The following NKD1 variants were observed in gnomAD, a reference collection of about 807,000 sequenced individuals.
NKD1 encodes protein naked cuticle homolog 1.
In NKD1, 21 loss-of-function variants were observed where a neutral mutation model predicts 56.0. The ratio of observed to expected loss-of-function variants is 0.38; its 90% CI spans 0.27 to 0.54. The LOEUF is 0.54. Ranked by LOEUF, NKD1 falls within the 20% of genes least tolerant of loss-of-function variation. The pLI is 0.82. For missense variants in NKD1, 578 were observed against 642.7 expected, an observed-to-expected ratio of 0.90 and a Z score of 1.09; for synonymous variants, 263 against 265.7, an observed-to-expected ratio of 0.99 and a Z score of 0.10.
At chr16:50,578,799 G>T (rs879873659) in intron 3 of NKD1, among the ~76,000 whole-genome samples, 3 of 152,092 alleles carry the variant, frequency 2.0e-5, no homozygotes, top group African/African-American at 7.2e-5. Flanking sequence ...GCTATGTCTC[G>T]GTCACTGCCT....
intron 3 of NKD1, among the ~76,000 whole-genome samples, chr16:50,560,835 T>TATCTATCTATCTATC (rs1960613122): frequency 2.0e-5 from 3 of 151,828 alleles, no homozygotes; most frequent in Admixed American, 2.0e-4. Context: ...TCTATCTATC[T>TATCTATCTATCTATC]ATCTATCTAT....
rs1962547664 is a variant in NKD1 at position 50,639,926 on chromosome 16, T to C, written c.*6145T>C. The C allele has an allele frequency of 6.6e-6, 1 of 152,248 alleles. No individual in the cohort carries two copies. The highest frequency in any genetic ancestry group is 2.4e-5 in the African/African-American group (1 of 41,446). 9.4% of individuals were successfully genotyped at this position (152,248 alleles called of 1,614,324 possible). A position where few individuals can be genotyped will look rare whatever the true frequency, so the allele number is the denominator to read the frequency against. Reference sequence around the variant, plus strand: ...TCCCACTTTGCTTGGGGGTCCTTGGTCAAGGCCAGCTTTGGGGACTAGGGC... The same window carrying C: ...TCCCACTTTGCTTGGGGGTCCTTGGCCAAGGCCAGCTTTGGGGACTAGGGC... On this transcript the variant is annotated 3_prime_UTR_variant, in exon 10 of 10. Coordinates refer to ENST00000268459, the MANE Select transcript of NKD1 (RefSeq NM_033119.5).
At chr16:50,618,870 G>A (rs1415689301) in intron 4 of NKD1, among the ~76,000 whole-genome samples, 1 of 152,188 alleles carries the variant, frequency 6.6e-6, no homozygotes, top group African/African-American at 2.4e-5. Context: ...ATGAGGGGTC[G>A]AGGGGGATGT....
chr16:50,565,764 G>A (rs1488552170), intron 3 of NKD1, among the ~76,000 whole-genome samples: 3 of 152,224 alleles, frequency 2.0e-5, no homozygotes, highest in East Asian at 3.8e-4. Context: ...GTATACATCT[G>A]TCTCCGCACC....
chr16:50,633,704 G>T lies in NKD1; in HGVS notation c.1336G>T (p.Gly446Trp). Residue 446 changes from glycine to tryptophan, a missense_variant, in exon 10 of 10, where the codon GGG becomes TGG. Coordinates refer to ENST00000268459, the MANE Select transcript of NKD1 (RefSeq NM_033119.5). This position sits in a 1 kb window ranked among gnomAD's most constrained non-coding sequence, Gnocchi z 4.9. ...CTTGGTGGTGTATGAGAGCCAGGCC[G>T]GGCAGCCGGTCCAGAGACATGAGCA... ...PALVVYESQA[G>W]QPVQRHEHHH... The T allele has an allele frequency of 1.3e-6, 2 of 1,589,138 alleles. No homozygotes were observed. Among genetic ancestry groups the T allele is most frequent in the East Asian group, 2.3e-5 (1 of 43,558 alleles).
chr16:50,565,067 T>TGG (rs1267196273), intron 3 of NKD1, among the ~76,000 whole-genome samples: 1 of 152,160 alleles, frequency 6.6e-6, no homozygotes, highest in African/African-American at 2.4e-5. Context: ...TCATTTAAGG[T>TGG]GGAGAACCAT....
At chr16:50,630,153 C>T (rs774875064) in intron 6 of NKD1, 33 bp from the exon 7 acceptor site, 44 of 1,607,100 alleles carry the variant, frequency 2.7e-5, no homozygotes, top group Non-Finnish European at 3.3e-5. Context: ...GTGACTGAAA[C>T]CCTGCATGGG....
At chr16:50,618,710 C>T (rs986961164) in intron 4 of NKD1, among the ~76,000 whole-genome samples, 1 of 152,210 alleles carries the variant, frequency 6.6e-6, no homozygotes, top group African/African-American at 2.4e-5. Flanking sequence ...GGATGGATCA[C>T]AGGCCCCATG....
intron 3 of NKD1, among the ~76,000 whole-genome samples, chr16:50,567,717 C>T (rs1260264597): frequency 1.3e-5 from 2 of 152,232 alleles, no homozygotes; most frequent in Non-Finnish European, 2.9e-5. Context: ...GGCTCCGCTA[C>T]CTGCCTGGCT....
At chr16:50,616,976 G>A (rs1192648525) in intron 4 of NKD1, among the ~76,000 whole-genome samples, 1 of 152,198 alleles carries the variant, frequency 6.6e-6, no homozygotes, top group East Asian at 1.9e-4. Flanking sequence ...GAAGAGCCCC[G>A]AGGAGCTCAC....
intron 3 of NKD1, among the ~76,000 whole-genome samples, chr16:50,567,376 G>A (rs980896428): frequency 6.6e-6 from 1 of 152,182 alleles, no homozygotes; most frequent in Non-Finnish European, 1.5e-5. Flanking sequence ...TGGAAGGGGC[G>A]TGATTGCCGT....
At chr16:50,622,682 C>T (rs1962118994) in intron 5 of NKD1, among the ~76,000 whole-genome samples, 1 of 152,206 alleles carries the variant, frequency 6.6e-6, no homozygotes, top group African/African-American at 2.4e-5. Context: ...GGGCTGTTGT[C>T]AGCAGCATGA....
intron 3 of NKD1, among the ~76,000 whole-genome samples, chr16:50,570,345 A>C (rs578091137): frequency 6.6e-6 from 1 of 152,324 alleles, no homozygotes; most frequent in South Asian, 2.1e-4. Context: ...AGTCTTTTTA[A>C]GTATAAAACA....
chr16:50,633,703 C>T lies in NKD1; in HGVS notation c.1335C>T (p.Ala445=), dbSNP rs758895622. Residue 445 remains alanine, a synonymous_variant, in exon 10 of 10, where the codon GCC becomes GCT. Transcript: ENST00000268459. This position sits in a 1 kb window ranked among gnomAD's most constrained non-coding sequence, Gnocchi z 4.9. ...CCTTGGTGGTGTATGAGAGCCAGGC[C>T]GGGCAGCCGGTCCAGAGACATGAGC... ...LPALVVYESQ[A]GQPVQRHEHH... is the part of the protein sequence containing the mutation. 2.9e-5 allele frequency: 46 copies of T among 1,588,908 alleles called. No homozygotes were observed. The highest frequency in any genetic ancestry group is 2.5e-4 in the Admixed American group (14 of 56,758).
intron 3 of NKD1, among the ~76,000 whole-genome samples, chr16:50,584,403 G>A (rs1567340969): frequency 1.3e-5 from 2 of 152,228 alleles, no homozygotes; most frequent in Non-Finnish European, 2.9e-5. Context: ...AGTTAGGCAT[G>A]AACAAATTAG....
At chr16:50,614,685 A>G (rs1176535240) in intron 4 of NKD1, among the ~76,000 whole-genome samples, 2 of 152,100 alleles carry the variant, frequency 1.3e-5, no homozygotes, top group Non-Finnish European at 2.9e-5. Context: ...CAAAATAAAT[A>G]TCTCACCAAC....
rs1960873493 is a variant in NKD1 at position 50,571,091 on chromosome 16, A to AAG, written c.192+21537_192+21538dup. 4.0e-6 allele frequency: 3 copies of AAG among 752,424 alleles called. No homozygotes were observed. The South Asian group carries it at 1.8e-4, about 45-fold the overall frequency. 46.6% of individuals were successfully genotyped at this position (752,424 alleles called of 1,614,324 possible). On this transcript the variant is annotated intron_variant, in intron 3 of 9. Coordinates refer to ENST00000268459, the MANE Select transcript of NKD1 (RefSeq NM_033119.5). The stretch of plus-strand genomic sequence containing the variant: ...GCCTTTGAAGGGAGAGCTGAGAGGA[A>AAG]AGTGGAGGGGAAGGAGGGGCTGCCC...
rs985924330 is a variant in NKD1 at position 50,598,832 on chromosome 16, TAG to T, written c.193-9459_193-9458del. Among the ~76,000 whole-genome samples the T allele has an allele frequency of 2.1e-5, 3 of 141,136 alleles. No individual in the cohort carries two copies. The highest frequency in any genetic ancestry group is 4.6e-5 in the Non-Finnish European group (3 of 65,026). The allele number at this position is 141,136 out of a possible 152,430, so 92.6% of individuals were successfully genotyped here. On this transcript the variant is annotated intron_variant, in intron 3 of 9. Coordinates refer to ENST00000268459, the MANE Select transcript of NKD1 (RefSeq NM_033119.5). The surrounding 1 kb of genome is among the most constrained non-coding windows in gnomAD (Gnocchi z 4.2). ...AGTGGTGCGATGTGCAGTGGCATGG[TAG>T]AGTCAGTGGTGCAATGTTCAGTGGT...
At position 50,574,262 on chromosome 16, in the gene NKD1, A is replaced by G. The variant is rs1268720830; in HGVS notation, c.192+24707A>G. 3.0e-6 allele frequency: 3 copies of G among 985,212 alleles called. No individual in the cohort carries two copies. In the South Asian group the frequency reaches 1.4e-4, roughly 46 times the overall value. The allele number at this position is 985,212 out of a possible 1,614,324, so 61.0% of individuals were successfully genotyped here. ...CCTCCCTTGTCTTGCCCAACCTCCT[A>G]GGTACACAGGCCTTGGACAGTGGGG... On this transcript the variant is annotated intron_variant, in intron 3 of 9. Coordinates refer to ENST00000268459, the MANE Select transcript of NKD1 (RefSeq NM_033119.5).
Sources: gnomAD v4.1 joint callset for allele counts (sites outside exome capture counted in the v4.1 genomes callset) on GRCh38, gnomAD v4.1.1 for gene constraint, Gnocchi (gnomAD v3.1) non-coding constraint, MANE v1.5 for transcripts, NCBI Gene and HGNC (gene_info 2026-07-23, HGNC 2026-07-21) for gene names.